Variants in ZFHX3 observed in about 807,000 individuals in gnomAD.
ZFHX3 encodes zinc finger homeobox 3.
A neutral mutation model predicts 279.1 loss-of-function variants in ZFHX3; 42 were observed. That is an observed-to-expected ratio of 0.15 (90% CI 0.12 to 0.19). The LOEUF is 0.19. Among genes scored for constraint, ZFHX3 ranks in the 10% least tolerant of loss-of-function variants. ZFHX3 has a pLI of 1.00. For missense variants in ZFHX3, 4,981 were observed against 4,754.0 expected, an observed-to-expected ratio of 1.05 and a Z score of -1.40; for synonymous variants, 2,293 against 1,957.8, an observed-to-expected ratio of 1.17 and a Z score of -4.52.
chr16:72,992,962 C>A (rs1423415013), intron 1 of ZFHX3, among the ~76,000 whole-genome samples: 1 of 152,182 alleles, frequency 6.6e-6, no homozygotes, highest in Non-Finnish European at 1.5e-5. Context: ...CATGGTGAGA[C>A]CCCATCTCTA....
At chr16:73,081,740 A>C (rs1189806768) in intron 8 of ZFHX3, 12 of 152,178 alleles carry the variant, frequency 7.9e-5, no homozygotes, top group Admixed American at 7.9e-4. Flanking sequence ...TAGTGTGCAG[A>C]ACTCACCCTT....
intron 2 of ZFHX3, among the ~76,000 whole-genome samples, chr16:73,659,225 G>A (rs1297205254): frequency 6.6e-6 from 1 of 152,140 alleles, no homozygotes; most frequent in Admixed American, 6.5e-5. Context: ...TGGCCAATTG[G>A]CCCTTATGAC....
Position 73,393,315 on chromosome 16 carries a change from G to A in ZFHX3, c.-1291+62688C>T, listed in dbSNP as rs148063231. Among the ~76,000 whole-genome samples the A allele has an allele frequency of 4.7e-3, 712 of 152,180 alleles. 4 individuals are homozygous for A. Among genetic ancestry groups the A allele is most frequent in the African/African-American group, 0.015 (602 of 41,494 alleles). ...GTATGTTGCTTGTCAGTACATTCTTGTCAGTCTCAATGGGCTGATGACTGG... is the reference window on the plus strand; with the variant it reads ...GTATGTTGCTTGTCAGTACATTCTTATCAGTCTCAATGGGCTGATGACTGG... On this transcript the variant is annotated intron_variant, in intron 3 of 17. Transcript: ENST00000641206.
At chr16:73,083,329 G>A (rs191578136) in intron 8 of ZFHX3, 5 of 152,380 alleles carry the variant, frequency 3.3e-5, no homozygotes, top group Admixed American at 2.6e-4. Flanking sequence ...GGCACAAAGT[G>A]TGTCGGTAGG....
At chr16:73,783,780 C>G (rs1281355993) in intron 1 of ZFHX3, among the ~76,000 whole-genome samples, 6 of 152,190 alleles carry the variant, frequency 3.9e-5, no homozygotes, top group Admixed American at 3.3e-4. Flanking sequence ...ACTATCATCC[C>G]ATTTTCCAGA....
chr16:73,458,284 T>TTC (rs922402780), intron 2 of ZFHX3, among the ~76,000 whole-genome samples: 2 of 150,636 alleles, frequency 1.3e-5, no homozygotes, highest in Admixed American at 6.6e-5. Flanking sequence ...CTTTCTCTCT[T>TTC]TCTCTCTCTC....
Position 72,792,232 on chromosome 16 carries a change from A to C in ZFHX3, c.9427+1023T>G, listed in dbSNP as rs149392802. On this transcript the variant is annotated intron_variant, in intron 9 of 9. Coordinates refer to ENST00000268489, the MANE Select transcript of ZFHX3 (RefSeq NM_006885.4). ...AGAGCAACAAATATGTATGATTCTCAGTGATCAGGAGCAAGGAAAAGGAAA... is the reference window on the plus strand; with the variant it reads ...AGAGCAACAAATATGTATGATTCTCCGTGATCAGGAGCAAGGAAAAGGAAA... 8.5e-5 allele frequency among the ~76,000 whole-genome samples: 13 copies of C among 152,328 alleles called. No homozygotes were observed. In the East Asian group the frequency reaches 2.5e-3, roughly 29 times the overall value.
chr16:73,384,084 A>C (rs1320192858), intron 3 of ZFHX3, among the ~76,000 whole-genome samples: 1 of 152,258 alleles, frequency 6.6e-6, no homozygotes, highest in Admixed American at 6.5e-5. Flanking sequence ...ACCCCCAAAC[A>C]GAGGCAACAA....
intron 2 of ZFHX3, chr16:73,543,837 G>A (rs990899222): frequency 1.3e-5 from 2 of 149,646 alleles, no homozygotes; most frequent in African/African-American, 5.0e-5. Flanking sequence ...CTGGAGAAGG[G>A]GGTGGGGGAG....
At chr16:73,087,040 C>T (rs1966018284) in intron 8 of ZFHX3, among the ~76,000 whole-genome samples, 1 of 152,142 alleles carries the variant, frequency 6.6e-6, no homozygotes, top group South Asian at 2.1e-4. Flanking sequence ...GAGATCATTA[C>T]CCATTGTTCA....
At chr16:72,872,805 C>T (rs1021472948) in intron 4 of ZFHX3, among the ~76,000 whole-genome samples, 60 of 152,258 alleles carry the variant, frequency 3.9e-4, no homozygotes, top group African/African-American at 1.3e-3. Flanking sequence ...CACCTACACG[C>T]CTTTCAAAAG....
intron 1 of ZFHX3, among the ~76,000 whole-genome samples, chr16:73,853,151 G>C (rs548321842): frequency 6.6e-6 from 1 of 152,152 alleles, no homozygotes; most frequent in Non-Finnish European, 1.5e-5. Context: ...AGTTAAAATG[G>C]TTATTGTTAA....
intron 2 of ZFHX3, among the ~76,000 whole-genome samples, chr16:73,456,492 G>C (rs1028686840): frequency 6.6e-6 from 1 of 152,100 alleles, no homozygotes; most frequent in African/African-American, 2.4e-5. Flanking sequence ...CAGCAATTGG[G>C]CGTCCTTGGT....
chr16:73,496,661 A>T (rs1162257657), intron 2 of ZFHX3, among the ~76,000 whole-genome samples: 1 of 152,248 alleles, frequency 6.6e-6, no homozygotes, highest in African/African-American at 2.4e-5. Context: ...CTGCTCTCAG[A>T]TTCAACCCTC....
upstream of ZFHX3, chr16:73,060,846 T>G (rs1342108567): frequency 6.6e-6 from 1 of 152,192 alleles, no homozygotes; most frequent in East Asian, 1.9e-4. Flanking sequence ...TGGGAATTAA[T>G]CAGGAAATCT....
intron 5 of ZFHX3, among the ~76,000 whole-genome samples, chr16:72,812,765 C>T (rs1414460595): frequency 6.6e-6 from 1 of 152,102 alleles, no homozygotes; most frequent in Non-Finnish European, 1.5e-5. Flanking sequence ...CCTCCATGCC[C>T]CTCTTGCTTA....
chr16:73,059,437 A>G (rs563159082), exon 1 of ZFHX3: 15 of 151,120 alleles, frequency 9.9e-5, no homozygotes, highest in African/African-American at 3.6e-4. Context: ...AGGAGCAACA[A>G]TAGGAACCTG....
At chr16:73,706,069 C>T (rs982391485) in intron 1 of ZFHX3, among the ~76,000 whole-genome samples, 21 of 152,146 alleles carry the variant, frequency 1.4e-4, no homozygotes, top group African/African-American at 4.8e-4. Context: ...CTTTGGGAAG[C>T]TGAGGTGGGA....
intron 1 of ZFHX3, among the ~76,000 whole-genome samples, chr16:73,794,591 C>A (rs958339910): frequency 1.3e-5 from 2 of 152,020 alleles, no homozygotes; most frequent in African/African-American, 2.4e-5. Flanking sequence ...ACATAGGGAC[C>A]CCCCCTTTGC....
Sources: gnomAD v4.1 joint callset for allele counts (sites outside exome capture counted in the v4.1 genomes callset) on GRCh38, gnomAD v4.1.1 for gene constraint, MANE v1.5 for transcripts, NCBI Gene and HGNC (gene_info 2026-07-23, HGNC 2026-07-21) for gene names.